TESC: variants seen among roughly 807,000 people sequenced by gnomAD.
TESC encodes the protein tescalcin, also known as calcineurin B homologous protein 3.
Under a neutral mutation model 31.0 loss-of-function variants are expected in TESC, and 19 were observed. The ratio of observed to expected loss-of-function variants is 0.61; its 90% CI spans 0.43 to 0.90. TESC has a LOEUF of 0.90. Ranked by LOEUF, TESC falls within the 40% of genes least tolerant of loss-of-function variation. The pLI, the probability that TESC is intolerant of heterozygous loss-of-function variation, is 0.00. For missense variants in TESC, 248 were observed against 303.8 expected (o/e 0.82, Z 1.36); for synonymous variants, 109 against 114.8 (o/e 0.95, Z 0.32).
At chr12:117,062,309 C>T (rs1259030078) in intron 2 of TESC, among the ~76,000 whole-genome samples, 1 of 152,080 alleles carries the variant, frequency 6.6e-6, no homozygotes, top group African/African-American at 2.4e-5. Flanking sequence ...GCAACCTCCA[C>T]CTCCTGGGTT....
intron 2 of TESC, among the ~76,000 whole-genome samples, chr12:117,057,462 G>A (rs1171486375): frequency 1.3e-5 from 2 of 152,220 alleles, no homozygotes; most frequent in Non-Finnish European, 2.9e-5. Flanking sequence ...ATGCAGAGAC[G>A]TGGGATTTGT....
At chr12:117,079,671 C>T (rs890586225) in intron 1 of TESC, among the ~76,000 whole-genome samples, 23 of 152,072 alleles carry the variant, frequency 1.5e-4, no homozygotes, top group Non-Finnish European at 2.6e-4. Flanking sequence ...ATGGACAAAT[C>T]CTTAGGAACA....
intron 6 of TESC, among the ~76,000 whole-genome samples, chr12:117,044,432 AG>A (rs918407908): frequency 2.6e-5 from 4 of 152,228 alleles, no homozygotes; most frequent in Middle Eastern, 6.8e-3. Flanking sequence ...AGGCTGGCCA[AG>A]GGGAGCTAAT....
At chr12:117,079,568 A>T (rs905375423) in intron 1 of TESC, among the ~76,000 whole-genome samples, 4 of 152,076 alleles carry the variant, frequency 2.6e-5, no homozygotes, top group South Asian at 2.1e-4. Flanking sequence ...TCTCAAAAAA[A>T]AAAAAAGCGT....
At chr12:117,042,058 G>A (rs1011115562) in intron 6 of TESC, 64 bp from the exon 7 acceptor site, 54 of 1,524,880 alleles carry the variant, frequency 3.5e-5, no homozygotes, top group East Asian at 3.4e-4. Flanking sequence ...TCCGCAGGGG[G>A]ACGGTCCACT....
chr12:117,054,260 A>G (rs1954689859), intron 3 of TESC, among the ~76,000 whole-genome samples: 1 of 151,654 alleles, frequency 6.6e-6, no homozygotes, highest in African/African-American at 2.4e-5. Flanking sequence ...CCACCCCTAC[A>G]ACCAACCAGC....
chr12:117,070,915 G>A (rs965192746), intron 2 of TESC, among the ~76,000 whole-genome samples: 1 of 152,098 alleles, frequency 6.6e-6, no homozygotes, highest in Non-Finnish European at 1.5e-5. Context: ...AGGCTGCAGT[G>A]AGCCAAGATC....
chr12:117,055,194 T>A (rs1565962539), intron 3 of TESC, among the ~76,000 whole-genome samples: 2 of 152,166 alleles, frequency 1.3e-5, no homozygotes, highest in Non-Finnish European at 2.9e-5. Context: ...CAGACTGGAG[T>A]ACAGTGGTGC....
intron 2 of TESC, among the ~76,000 whole-genome samples, chr12:117,068,914 A>G (rs1318235793): frequency 1.3e-5 from 2 of 152,182 alleles, no homozygotes; most frequent in African/African-American, 4.8e-5. Context: ...TAAGGGGCCC[A>G]AAAAGAGAAA....
chr12:117,084,318 A>C (rs1955187529), intron 1 of TESC, among the ~76,000 whole-genome samples: 1 of 152,190 alleles, frequency 6.6e-6, no homozygotes, highest in African/African-American at 2.4e-5. Context: ...CTCCAGGGTC[A>C]GAAAGGCATG....
rs138477375 is a variant in TESC, at chr12:117,070,783, C to T, written c.128+4488G>A. ...TCTGTAGGACTGAAGTCAGCCTGGG[C>T]GACATGGTAAGACCTCATCTCTACA... On this transcript the variant is annotated intron_variant, in intron 2 of 7. Transcript: ENST00000335209. Among the ~76,000 whole-genome samples the T allele has an allele frequency of 1.2e-4, 19 of 152,086 alleles. No homozygotes were observed. The East Asian group carries it at 3.3e-3, about 26-fold the overall frequency.
intron 1 of TESC, among the ~76,000 whole-genome samples, chr12:117,095,928 G>T (rs940871386): frequency 6.6e-6 from 1 of 152,050 alleles, no homozygotes; most frequent in Non-Finnish European, 1.5e-5. Context: ...TAGGCTTGGG[G>T]ATCCCATGAT....
chr12:117,058,618 C>T (rs1162417831), intron 2 of TESC, among the ~76,000 whole-genome samples: 1 of 149,408 alleles, frequency 6.7e-6, no homozygotes, highest in African/African-American at 2.5e-5. Flanking sequence ...GCCTGTAGTC[C>T]CAGCTAGCAA....
chr12:117,079,649 T>C (rs1048187325), intron 1 of TESC, among the ~76,000 whole-genome samples: 2 of 151,620 alleles, frequency 1.3e-5, no homozygotes, highest in Non-Finnish European at 2.9e-5. Context: ...TCCATTTGCA[T>C]GAAATGCTCA....
intron 1 of TESC, among the ~76,000 whole-genome samples, chr12:117,077,072 G>GC (rs1955083919): frequency 1.3e-5 from 2 of 152,154 alleles, no homozygotes; most frequent in African/African-American, 2.4e-5. Context: ...AATTTCTGGG[G>GC]CCAACTGGTC....
chr12:117,060,555 G>A (rs921124723), intron 2 of TESC, among the ~76,000 whole-genome samples: 6 of 152,110 alleles, frequency 3.9e-5, no homozygotes, highest in Admixed American at 1.3e-4. Flanking sequence ...ACGAAATCAC[G>A]ATCGGATGAC....
chr12:117,051,750 G>C (rs1183676402), intron 3 of TESC, among the ~76,000 whole-genome samples: 1 of 152,008 alleles, frequency 6.6e-6, no homozygotes, highest in Non-Finnish European at 1.5e-5. Flanking sequence ...CCTTGTGACC[G>C]GCACTGCTTC....
chr12:117,099,245 T>C lies in TESC; in HGVS notation c.38A>G (p.Glu13Gly), dbSNP rs1385222105. ...CTCACAGCCGGTCTTGCCCTCGAGC[T>C]CCCGCACCTCCTCAGACGCGGAGTG... The part of the protein sequence containing the change: ...AAHSASEEVR[E>G]LEGKTGFSSD... Residue 13 changes from glutamate (E) to glycine (G), a missense_variant, in exon 1 of 8, where the codon GAG becomes GGG. By Grantham distance (98) the Glu-to-Gly change is moderately conservative (BLOSUM62 -2). Coordinates refer to ENST00000335209, the MANE Select transcript of TESC (RefSeq NM_017899.4). 2 of 1,475,048 alleles carry C rather than the reference T, an allele frequency of 1.4e-6. No individual in the cohort carries two copies. The highest frequency in any genetic ancestry group is 1.8e-6 in the Non-Finnish European group (2 of 1,121,204). The allele number at this position is 1,475,048 out of a possible 1,614,324, so 91.4% of individuals were successfully genotyped here.
chr12:117,082,058 T>C (rs1284761091), intron 1 of TESC, among the ~76,000 whole-genome samples: 1 of 95,030 alleles, frequency 1.1e-5, no homozygotes, highest in East Asian at 2.3e-4. Context: ...ATCCCATCTA[T>C]ACAAAAAAAA....
Sources: allele counts gnomAD v4.1 joint callset (sites outside exome capture counted in the v4.1 genomes callset), GRCh38; gene constraint gnomAD v4.1.1; transcripts MANE v1.5; gene names NCBI Gene and HGNC (gene_info 2026-07-23, HGNC 2026-07-21).